Variants in DLGAP3 observed in about 807,000 individuals in gnomAD.
The protein encoded by DLGAP3 is DLG associated protein 3, also known as disks large-associated protein 3.
A neutral mutation model predicts 81.2 loss-of-function variants in DLGAP3; 17 were observed. That is an observed-to-expected ratio of 0.21 (90% CI 0.14 to 0.31). The LOEUF (loss-of-function observed/expected upper bound fraction) is 0.31, where lower values mean the gene tolerates loss of function less well. Ranked by LOEUF, DLGAP3 falls within the 10% of genes least tolerant of loss-of-function variation. The pLI is 1.00. For missense variants in DLGAP3, 1,124 were observed against 1,388.0 expected, an observed-to-expected ratio of 0.81 and a Z score of 3.02; for synonymous variants, 577 against 587.4, an observed-to-expected ratio of 0.98 and a Z score of 0.26.
chr1:34,885,390 G>C, intron 7 of DLGAP3, 88 bp downstream of exon 7: 1 of 1,400,818 alleles, frequency 7.1e-7, no homozygotes, highest in Non-Finnish European at 9.9e-7. Flanking sequence ...AAAGAATGTC[G>C]ATATATCCAG....
intron 8 of DLGAP3, among the ~76,000 whole-genome samples, chr1:34,877,076 G>A (rs948238994): frequency 6.6e-6 from 1 of 152,188 alleles, no homozygotes; most frequent in Non-Finnish European, 1.5e-5. Context: ...TCAGAAACAG[G>A]AAGGAAATTC....
chr1:34,905,692 C>A (rs971077181), intron 2 of DLGAP3, among the ~76,000 whole-genome samples: 1 of 152,042 alleles, frequency 6.6e-6, no homozygotes, highest in African/African-American at 2.4e-5. Context: ...GATATTCCCT[C>A]AGTCAAATGG....
At chr1:34,870,505 CCCTG>C (rs71571787) in intron 8 of DLGAP3, among the ~76,000 whole-genome samples, 2 of 152,188 alleles carry the variant, frequency 1.3e-5, no homozygotes, top group East Asian at 3.9e-4. Context: ...GGCCTTCTCT[CCCTG>C]CCTGCCTGCC....
At chr1:34,872,519 C>T (rs1017423480) in intron 8 of DLGAP3, among the ~76,000 whole-genome samples, 1 of 152,128 alleles carries the variant, frequency 6.6e-6, no homozygotes, top group Admixed American at 6.5e-5. Flanking sequence ...AGAATAATAG[C>T]CACCAAAGGA....
At chr1:34,884,825 C>T (rs937518698) in intron 8 of DLGAP3, among the ~76,000 whole-genome samples, 153 bp downstream of exon 8, 2 of 152,148 alleles carry the variant, frequency 1.3e-5, no homozygotes, top group Non-Finnish European at 2.9e-5. Flanking sequence ...ATGGAACAGC[C>T]CCTGTGGCTG....
chr1:34,887,414 A>C (rs1247101508), intron 5 of DLGAP3, among the ~76,000 whole-genome samples: 1 of 152,140 alleles, frequency 6.6e-6, no homozygotes, highest in African/African-American at 2.4e-5. Context: ...TGTTAAAAAA[A>C]AAAAAAGTTA....
intron 5 of DLGAP3, among the ~76,000 whole-genome samples, chr1:34,887,328 CA>C (rs1308680664): frequency 6.6e-6 from 1 of 151,986 alleles, no homozygotes; most frequent in African/African-American, 2.4e-5. Flanking sequence ...TACCCTCCCC[CA>C]CTGAGGAAAG....
In DLGAP3 at chr1:34,886,235, A is replaced by G; in HGVS notation, c.1437T>C (p.Phe479=). ...QQLEAVCGSV[F]GELESQAVDA... is the part of the protein sequence containing the mutation. ...CCACGGCCTGGGACTCCAGCTCCCC[A>G]AACACCGACCCGCACACGGCCTCCA... Residue 479 remains phenylalanine (F), a synonymous_variant, in exon 6 of 12, where the codon TTT becomes TTC. Transcript: ENST00000373347. 1.2e-6 allele frequency: 2 copies of G among 1,610,328 alleles called. No individual in the cohort carries two copies. The highest frequency in any genetic ancestry group is 1.7e-6 in the Non-Finnish European group (2 of 1,178,682).
chr1:34,929,062 C>A lies in DLGAP3; in HGVS notation c.-135+389G>T, dbSNP rs1175655673. Among the ~76,000 whole-genome samples, 1 of 152,166 alleles carries A rather than the reference C, an allele frequency of 6.6e-6. No individual in the cohort carries two copies. The highest frequency in any genetic ancestry group is 6.5e-5 in the Admixed American group (1 of 15,292). On this transcript the variant is annotated intron_variant, in intron 1 of 11. Transcript: ENST00000373347. The surrounding 1 kb of genome is among the most constrained non-coding windows in gnomAD (Gnocchi z 6.5). The stretch of plus-strand genomic sequence containing the variant: ...ACACACAGCGACACGCACTCACATT[C>A]ACACACCTGCAGAGGAAACTTCTCT...
intron 1 of DLGAP3, among the ~76,000 whole-genome samples, chr1:34,921,362 C>T (rs1002288123): frequency 1.3e-5 from 2 of 152,226 alleles, no homozygotes; most frequent in African/African-American, 4.8e-5. Context: ...CCTGTTCCCA[C>T]AGTTGCTCAC....
At chr1:34,884,488 G>T (rs1049042497) in intron 8 of DLGAP3, among the ~76,000 whole-genome samples, 1 of 151,050 alleles carries the variant, frequency 6.6e-6, no homozygotes, top group African/African-American at 2.5e-5. Context: ...ACTCAGGCAT[G>T]TAATAGGTAC....
chr1:34,904,163 C>CA lies in DLGAP3; in HGVS notation c.1107+113dup. ...GGGCAGGGCAGAGCCTCCCTACACC[C>CA]AGGCCCTCCATCACAGGGACAGCTG... On this transcript the variant is annotated intron_variant, in intron 3 of 11. Coordinates refer to ENST00000373347, the MANE Select transcript of DLGAP3 (RefSeq NM_001080418.3). The surrounding 1 kb of genome is among the most constrained non-coding windows in gnomAD (Gnocchi z 8.1). 7.6e-7 allele frequency: 1 copy of CA among 1,320,276 alleles called. No homozygotes were observed. The highest frequency in any genetic ancestry group is 1.1e-6 in the Non-Finnish European group (1 of 927,850). 81.8% of individuals were successfully genotyped at this position (1,320,276 alleles called of 1,614,324 possible).
rs923941700 is a variant in DLGAP3 at position 34,873,076 on chromosome 1, T to C, written c.2001-3987A>G. 1.3e-5 allele frequency among the ~76,000 whole-genome samples: 2 copies of C among 152,210 alleles called. No individual in the cohort carries two copies. The highest frequency in any genetic ancestry group is 6.5e-5 in the Admixed American group (1 of 15,284). ...TTAGTATGTGCCAGGAGAAGCACTT[T>C]CCATGAATAAACATGCTCAATCCTC... On this transcript the variant is annotated intron_variant, in intron 8 of 11. Coordinates refer to ENST00000373347, the MANE Select transcript of DLGAP3 (RefSeq NM_001080418.3). This position sits in a 1 kb window ranked among gnomAD's most constrained non-coding sequence, Gnocchi z 4.2.
Position 34,868,382 on chromosome 1 carries a change from T to G in DLGAP3, c.2485+223A>C, listed in dbSNP as rs894768259. The stretch of plus-strand genomic sequence containing the variant: ...CCTGCAGTGTCTGCAGTCCCAGCCC[T>G]GGCCTCTAAAGCTGCACCATGTGCA... On this transcript the variant is annotated intron_variant, in intron 9 of 11. Coordinates refer to ENST00000373347, the MANE Select transcript of DLGAP3 (RefSeq NM_001080418.3). The surrounding 1 kb of genome is among the most constrained non-coding windows in gnomAD (Gnocchi z 7.5). Among the ~76,000 whole-genome samples the G allele has an allele frequency of 2.6e-5, 4 of 152,194 alleles. No homozygotes were observed. The highest frequency in any genetic ancestry group is 1.3e-4 in the Admixed American group (2 of 15,288).
intron 1 of DLGAP3, among the ~76,000 whole-genome samples, chr1:34,921,834 T>A (rs972930595): frequency 6.6e-6 from 1 of 152,262 alleles, no homozygotes; most frequent in Non-Finnish European, 1.5e-5. Flanking sequence ...TTAGCATGTA[T>A]GTGCATGCTG....
rs1340233717 is a variant in DLGAP3 at position 34,900,634 on chromosome 1, C to G, written c.1108-361G>C. 6.6e-6 allele frequency among the ~76,000 whole-genome samples: 1 copy of G among 152,254 alleles called. No individual in the cohort carries two copies. The highest frequency in any genetic ancestry group is 1.5e-5 in the Non-Finnish European group (1 of 68,050). On this transcript the variant is annotated intron_variant, in intron 3 of 11. Transcript: ENST00000373347. The surrounding 1 kb of genome is among the most constrained non-coding windows in gnomAD (Gnocchi z 5.6). ...CCTTCTACCCCTCCTTCTCCTTCAT[C>G]CTTTCAACCTGCTTACATTCCAAAT...
intron 8 of DLGAP3, among the ~76,000 whole-genome samples, chr1:34,881,103 A>C (rs1016073745): frequency 6.6e-6 from 1 of 152,228 alleles, no homozygotes; most frequent in Non-Finnish European, 1.5e-5. Flanking sequence ...GCAGTAAAAA[A>C]TTGTAGGCTT....
chr1:34,901,649 C>T (rs1050939531), intron 3 of DLGAP3, among the ~76,000 whole-genome samples: 1 of 152,108 alleles, frequency 6.6e-6, no homozygotes, highest in Non-Finnish European at 1.5e-5. Context: ...TAAATGGTAA[C>T]AATTATTATA....
At chr1:34,910,710 C>T (rs1324927378) in intron 1 of DLGAP3, among the ~76,000 whole-genome samples, 1 of 152,198 alleles carries the variant, frequency 6.6e-6, no homozygotes, top group East Asian at 1.9e-4. Context: ...GGGAAGCTTT[C>T]TCTGGCCTCC....
Sources: gnomAD v4.1 joint callset for allele counts (sites outside exome capture counted in the v4.1 genomes callset) on GRCh38, gnomAD v4.1.1 for gene constraint, Gnocchi (gnomAD v3.1) non-coding constraint, MANE v1.5 for transcripts, NCBI Gene and HGNC (gene_info 2026-07-23, HGNC 2026-07-21) for gene names.